The following PIWIL4 variants were observed in gnomAD, a reference collection of about 807,000 sequenced individuals.
The protein encoded by PIWIL4 is piwi-like protein 4.
Under a neutral mutation model 100.9 loss-of-function variants are expected in PIWIL4, and 50 were observed. The observed-to-expected ratio is 0.50, with a 90% CI of 0.39 to 0.63. PIWIL4 has a LOEUF of 0.63. Among genes scored for constraint, PIWIL4 ranks in the 20% least tolerant of loss-of-function variants. PIWIL4 has a pLI of 0.00. For synonymous variants in PIWIL4, 342 were observed against 367.5 expected (o/e 0.93, Z 0.79); for missense variants, 887 against 1,043.3 (o/e 0.85, Z 2.06).
intron 4 of PIWIL4, among the ~76,000 whole-genome samples, chr11:94,581,630 T>C (rs1463631016): frequency 1.3e-5 from 2 of 152,182 alleles, no homozygotes; most frequent in Non-Finnish European, 2.9e-5. Flanking sequence ...TCCTATTGAA[T>C]GGTTTACAGA....
At chr11:94,575,519 A>G (rs1314989217) in intron 3 of PIWIL4, among the ~76,000 whole-genome samples, 1 of 152,174 alleles carries the variant, frequency 6.6e-6, no homozygotes, top group Non-Finnish European at 1.5e-5. Flanking sequence ...TTGCATGCAA[A>G]TTGTCAGTAT....
intron 4 of PIWIL4, among the ~76,000 whole-genome samples, chr11:94,578,273 T>G (rs1002330002): frequency 6.6e-6 from 1 of 152,222 alleles, no homozygotes; most frequent in Non-Finnish European, 1.5e-5. Context: ...TTTAAAATTT[T>G]TATTGACGGC....
At chr11:94,570,860 C>G (rs1335751262) in intron 2 of PIWIL4, among the ~76,000 whole-genome samples, 24 of 152,118 alleles carry the variant, frequency 1.6e-4, no homozygotes, top group Admixed American at 1.6e-3. Flanking sequence ...CCCTTGCACT[C>G]CAGCTTGGGC....
At chr11:94,605,791 T>TA (rs1335291665) in intron 13 of PIWIL4, among the ~76,000 whole-genome samples, 4 of 152,230 alleles carry the variant, frequency 2.6e-5, no homozygotes, top group Non-Finnish European at 4.4e-5. Context: ...CCTATTTTGT[T>TA]ATAGTCCATT....
rs116084295 is a variant in PIWIL4 at position 94,607,562 on chromosome 11, A to G, written c.1762A>G (p.Met588Val). ...TCGGACCTTGAATAAACAGGGCATG[A>G]TGATGAGTATCGCCACCAAGATCGC... ...LARTLNKQGMMMSIATKIAMQ... is the reference protein window; with the variant it reads ...LARTLNKQGMVMSIATKIAMQ... Residue 588 changes from methionine (M) to valine (V), a missense_variant, in exon 14 of 20, where the codon ATG becomes GTG. By Grantham distance (21) the Met-to-Val change is conservative. Transcript: ENST00000299001. The G allele has an allele frequency of 2.0e-3, 3,248 of 1,614,154 alleles. 63 individuals are homozygous for G. In the African/African-American group the frequency reaches 0.039, roughly 19 times the overall value.
At chr11:94,598,467 A>G (rs1189341100) in intron 11 of PIWIL4, among the ~76,000 whole-genome samples, 3 of 152,194 alleles carry the variant, frequency 2.0e-5, no homozygotes, top group African/African-American at 7.2e-5. Context: ...CTGAAGAGAC[A>G]AATCATCGCC....
chr11:94,583,053 T>TGC (rs1948347611), intron 4 of PIWIL4, among the ~76,000 whole-genome samples: 1 of 151,504 alleles, frequency 6.6e-6, no homozygotes, highest in African/African-American at 2.4e-5. Context: ...TATGTGTGTG[T>TGC]GTGTGTGTGT....
At chr11:94,595,153 A>C (rs531683112) in intron 9 of PIWIL4, among the ~76,000 whole-genome samples, 156 bp from the exon 10 acceptor site, 1 of 152,194 alleles carries the variant, frequency 6.6e-6, no homozygotes, top group East Asian at 1.9e-4. Context: ...TAATGTGGCT[A>C]CCAGAAAACT....
chr11:94,567,663 G>C lies in PIWIL4; in HGVS notation c.87+58G>C, dbSNP rs577697389. On this transcript the variant is annotated intron_variant, in intron 1 of 19. Coordinates refer to ENST00000299001, the MANE Select transcript of PIWIL4 (RefSeq NM_152431.3). ...TTTCTCCTACCTCTGTCTCTAGCCT[G>C]AACAATGCCTTCCTCTGCATGTATC... 8.1e-5 allele frequency: 120 copies of C among 1,477,254 alleles called. 2 individuals are homozygous for C. In the South Asian group the frequency reaches 9.0e-4, roughly 11 times the overall value. 91.5% of individuals were successfully genotyped at this position (1,477,254 alleles called of 1,614,324 possible).
In PIWIL4 at chr11:94,580,222, T is replaced by C. The variant is rs115966217; in HGVS notation, c.513+2730T>C. ...AAACAGAATAGTGTTGTCTTATTTC[T>C]TATAAACATATGACCTGTCACCCAG... is the stretch of plus-strand genomic sequence containing the variant. On this transcript the variant is annotated intron_variant, in intron 4 of 19. Transcript: ENST00000299001. 4.7e-3 allele frequency among the ~76,000 whole-genome samples: 719 copies of C among 152,332 alleles called. 2 individuals are homozygous for C. The highest frequency in any genetic ancestry group is 0.016 in the African/African-American group (676 of 41,576).
At chr11:94,607,956 A>G (rs1367914068) in intron 14 of PIWIL4, among the ~76,000 whole-genome samples, 3 of 152,044 alleles carry the variant, frequency 2.0e-5, no homozygotes, top group Non-Finnish European at 4.4e-5. Context: ...ATAGCCTTGC[A>G]CCCTGGATGG....
Position 94,621,002 on chromosome 11 carries a change from C to G in PIWIL4, c.*10C>G. The G allele has an allele frequency of 6.4e-7, 1 of 1,556,144 alleles. No individual in the cohort carries two copies. Among genetic ancestry groups the G allele is most frequent in the Non-Finnish European group, 8.9e-7 (1 of 1,127,570 alleles). On this transcript the variant is annotated 3_prime_UTR_variant, in exon 20 of 20. Coordinates refer to ENST00000299001, the MANE Select transcript of PIWIL4 (RefSeq NM_152431.3). ...TCTCTTCTACCTGTGATGGCATGAA[C>G]TACTGGCATCACTAGATGGACAATC...
At chr11:94,584,662 G>A (rs191632132) in intron 5 of PIWIL4, among the ~76,000 whole-genome samples, 1 of 152,286 alleles carries the variant, frequency 6.6e-6, no homozygotes, top group African/African-American at 2.4e-5. Flanking sequence ...CGCGTTTCCT[G>A]ACTTGAAACC....
intron 17 of PIWIL4, 26 bp from the exon 18 acceptor site, chr11:94,619,734 T>C: frequency 1.2e-6 from 2 of 1,600,020 alleles, no homozygotes; most frequent in Non-Finnish European, 1.7e-6. Flanking sequence ...TGAGTTCTTT[T>C]CATATTTTGC....
At chr11:94,611,434 G>A (rs1948786245) in intron 15 of PIWIL4, among the ~76,000 whole-genome samples, 1 of 151,912 alleles carries the variant, frequency 6.6e-6, no homozygotes, top group Non-Finnish European at 1.5e-5. Flanking sequence ...CATCCCATAA[G>A]TTTTAGTATG....
At chr11:94,612,455 C>G (rs1310838350) in intron 15 of PIWIL4, among the ~76,000 whole-genome samples, 1 of 151,820 alleles carries the variant, frequency 6.6e-6, no homozygotes, top group African/African-American at 2.4e-5. Flanking sequence ...AAGTGAATCT[C>G]TTTGTAGGTG....
Position 94,604,003 on chromosome 11 carries a change from C to T in PIWIL4, c.1585C>T (p.Pro529Ser). The T allele has an allele frequency of 1.2e-6, 2 of 1,605,922 alleles. No individual in the cohort carries two copies. Among genetic ancestry groups the T allele is most frequent in the African/African-American group, 1.3e-5 (1 of 74,752 alleles). Reference sequence around the variant, plus strand: ...ATGTAGCATAAAAGTACAAGAAAATCCAGCTGCATTTGTTAGAGCTATACA... The same window carrying T: ...ATGTAGCATAAAAGTACAAGAAAATTCAGCTGCATTTGTTAGAGCTATACA... ...YPKIIKVQEN[P>S]AAFVRAIQQY... The change falls in exon 13 of 20, where the codon CCA becomes TCA. Residue 529 changes from proline (P) to serine (S), a missense_variant. Transcript: ENST00000299001.
At chr11:94,595,644 T>C (rs778226320) in intron 10 of PIWIL4, among the ~76,000 whole-genome samples, 4 of 152,256 alleles carry the variant, frequency 2.6e-5, no homozygotes, top group Non-Finnish European at 5.9e-5. Context: ...ACACTTGCTT[T>C]ACCTCCATGC....
chr11:94,588,414 G>C (rs1445129491), intron 7 of PIWIL4, among the ~76,000 whole-genome samples: 1 of 152,154 alleles, frequency 6.6e-6, no homozygotes, highest in East Asian at 1.9e-4. Flanking sequence ...GGACTGGCTG[G>C]ATTCCACACT....
Sources: gnomAD v4.1 joint callset for allele counts (sites outside exome capture counted in the v4.1 genomes callset) on GRCh38, gnomAD v4.1.1 for gene constraint, MANE v1.5 for transcripts, NCBI Gene and HGNC (gene_info 2026-07-23, HGNC 2026-07-21) for gene names.